The following TAFA1 variants were observed in gnomAD, a reference collection of about 807,000 sequenced individuals.
TAFA1 encodes chemokine-like protein TAFA-1.
In TAFA1, 4 loss-of-function variants were observed where a neutral mutation model predicts 18.5. That is an observed-to-expected ratio of 0.22 (90% CI 0.11 to 0.49). TAFA1 has a LOEUF of 0.49. Ranked by LOEUF, TAFA1 falls within the 20% of genes least tolerant of loss-of-function variation. TAFA1 has a pLI of 0.98. For synonymous variants in TAFA1, 56 were observed against 55.2 expected, an observed-to-expected ratio of 1.01 and a Z score of -0.06; for missense variants, 147 against 169.0, an observed-to-expected ratio of 0.87 and a Z score of 0.72.
chr3:68,314,489 A>T (rs1247469531), intron 2 of TAFA1, among the ~76,000 whole-genome samples: 7 of 152,216 alleles, frequency 4.6e-5, no homozygotes, highest in Non-Finnish European at 1.0e-4. Flanking sequence ...TCAAATATAC[A>T]TCATTAGATA....
At chr3:68,360,877 C>A (rs1464240076) in intron 2 of TAFA1, among the ~76,000 whole-genome samples, 1 of 151,952 alleles carries the variant, frequency 6.6e-6, no homozygotes, top group Admixed American at 6.6e-5. Flanking sequence ...AGTTATTATT[C>A]ATTGAATATT....
At chr3:68,077,825 G>C (rs2064846530) in intron 2 of TAFA1, among the ~76,000 whole-genome samples, 1 of 152,042 alleles carries the variant, frequency 6.6e-6, no homozygotes, top group African/African-American at 2.4e-5. Context: ...CTTTAAAGTA[G>C]TTTTTTTCCA....
In TAFA1 at chr3:68,475,783, A is replaced by C. The variant is rs112606149; in HGVS notation, c.259+58363A>C. ...TAGTTTACAGTCCCACCAACAGTGT[A>C]AAAGTGTTCCTATTTCTCCACATCC... is the stretch of plus-strand genomic sequence containing the variant. On this transcript the variant is annotated intron_variant, in intron 3 of 4. Transcript: ENST00000478136. 1.2e-3 allele frequency among the ~76,000 whole-genome samples: 182 copies of C among 151,702 alleles called. 1 individual carries two copies. The highest frequency in any genetic ancestry group is 2.1e-3 in the Non-Finnish European group (139 of 67,672).
chr3:68,306,545 A>T (rs1037761248), intron 2 of TAFA1, among the ~76,000 whole-genome samples: 1 of 152,188 alleles, frequency 6.6e-6, no homozygotes, highest in African/African-American at 2.4e-5. Flanking sequence ...TGCTGTCAAA[A>T]ATAGATTTTG....
chr3:68,455,352 T>A (rs950882454), intron 3 of TAFA1, among the ~76,000 whole-genome samples: 1 of 152,086 alleles, frequency 6.6e-6, no homozygotes, highest in African/African-American at 2.4e-5. Context: ...ATTTGTCTGA[T>A]GTTTTTGCTT....
At chr3:68,388,776 T>A (rs559903297) in intron 2 of TAFA1, among the ~76,000 whole-genome samples, 1 of 152,284 alleles carries the variant, frequency 6.6e-6, no homozygotes, top group East Asian at 1.9e-4. Context: ...GATTTTTTTT[T>A]AATGTAAACT....
chr3:68,162,798 T>C (rs1337430438), intron 2 of TAFA1, among the ~76,000 whole-genome samples: 1 of 152,234 alleles, frequency 6.6e-6, no homozygotes, highest in Admixed American at 6.5e-5. Context: ...GCCTCTCTGA[T>C]TATGTTATCT....
At chr3:68,281,774 C>T (rs1341805461) in intron 2 of TAFA1, among the ~76,000 whole-genome samples, 1 of 152,110 alleles carries the variant, frequency 6.6e-6, no homozygotes, top group East Asian at 1.9e-4. Flanking sequence ...GAAGTTTTTA[C>T]ATTGCGTGGG....
chr3:68,337,018 C>T (rs185428252), intron 2 of TAFA1, among the ~76,000 whole-genome samples: 8 of 152,280 alleles, frequency 5.3e-5, no homozygotes, highest in East Asian at 3.9e-4. Context: ...CCACCGTGCC[C>T]GGCCTAATGT....
At chr3:68,388,016 G>A (rs982534530) in intron 2 of TAFA1, among the ~76,000 whole-genome samples, 3 of 152,136 alleles carry the variant, frequency 2.0e-5, no homozygotes, top group East Asian at 1.9e-4. Context: ...ATGAATGAAT[G>A]TTAAGCCTTA....
chr3:68,222,430 C>G (rs1010284243), intron 2 of TAFA1, among the ~76,000 whole-genome samples: 1 of 152,088 alleles, frequency 6.6e-6, no homozygotes, highest in Non-Finnish European at 1.5e-5. Context: ...AGAGTGAGAC[C>G]ATTTTTCTTC....
chr3:68,150,615 A>G (rs889020108), intron 2 of TAFA1, among the ~76,000 whole-genome samples: 1 of 152,146 alleles, frequency 6.6e-6, no homozygotes, highest in African/African-American at 2.4e-5. Flanking sequence ...CCAAGGCCTC[A>G]TCTGAGAAAT....
chr3:68,365,805 C>A (rs1036687489), intron 2 of TAFA1, among the ~76,000 whole-genome samples: 5 of 152,048 alleles, frequency 3.3e-5, no homozygotes, highest in East Asian at 1.9e-4. Flanking sequence ...ACCATCAGAT[C>A]AGCCAGGTGT....
intron 2 of TAFA1, among the ~76,000 whole-genome samples, chr3:68,200,273 G>A (rs974251523): frequency 1.3e-5 from 2 of 151,578 alleles, no homozygotes; most frequent in African/African-American, 4.8e-5. Context: ...AAGTTCATGA[G>A]AGATATTGGT....
intron 3 of TAFA1, among the ~76,000 whole-genome samples, chr3:68,429,484 G>A (rs1044207865): frequency 6.6e-6 from 1 of 151,826 alleles, no homozygotes; most frequent in African/African-American, 2.4e-5. Context: ...GAAATAATGG[G>A]CAGAAGACAG....
At chr3:68,103,411 C>T (rs1326917057) in intron 2 of TAFA1, among the ~76,000 whole-genome samples, 1 of 152,170 alleles carries the variant, frequency 6.6e-6, no homozygotes, top group Non-Finnish European at 1.5e-5. Context: ...CCAGCCTTAG[C>T]TGTTCATTCC....
chr3:68,014,376 T>C lies in TAFA1; in HGVS notation c.118+7632T>C, dbSNP rs547466616. 2.6e-5 allele frequency among the ~76,000 whole-genome samples: 4 copies of C among 152,366 alleles called. No homozygotes were observed. In the East Asian group the frequency reaches 7.7e-4, roughly 29 times the overall value. On this transcript the variant is annotated intron_variant, in intron 2 of 4. Transcript: ENST00000478136. ...CCTAGCTTTAGCCGAGTGAGAACTTTACATTCTTTAAAATTCAAAAAGTGG... is the reference window on the plus strand; with the variant it reads ...CCTAGCTTTAGCCGAGTGAGAACTTCACATTCTTTAAAATTCAAAAAGTGG...
intron 4 of TAFA1, among the ~76,000 whole-genome samples, chr3:68,540,684 G>A (rs1247261006): frequency 6.6e-6 from 1 of 152,076 alleles, no homozygotes; most frequent in Non-Finnish European, 1.5e-5. Flanking sequence ...CTCCAGACCT[G>A]AAACACAGTA....
chr3:68,066,297 A>G (rs1162174300), intron 2 of TAFA1, among the ~76,000 whole-genome samples: 5 of 152,260 alleles, frequency 3.3e-5, no homozygotes. Flanking sequence ...TATTAGTTCC[A>G]TGAGAGCAGA....
Sources: allele counts gnomAD v4.1 joint callset (sites outside exome capture counted in the v4.1 genomes callset), GRCh38; gene constraint gnomAD v4.1.1; transcripts MANE v1.5; gene names NCBI Gene and HGNC (gene_info 2026-07-23, HGNC 2026-07-21).